MIEF1: variants seen among roughly 807,000 people sequenced by gnomAD.
The protein encoded by MIEF1 is mitochondrial elongation factor 1.
Under a neutral mutation model 35.1 loss-of-function variants are expected in MIEF1, and 14 were observed. That is an observed-to-expected ratio of 0.40 (90% confidence interval 0.26 to 0.62). The LOEUF is 0.62. Ranked by LOEUF, MIEF1 falls within the 20% of genes least tolerant of loss-of-function variation. The probability of loss-of-function intolerance (pLI) is 0.43; values close to 1 mark genes in which losing one functional copy is unlikely to be tolerated. For synonymous variants in MIEF1, 245 were observed against 254.3 expected, an observed-to-expected ratio of 0.96 and a Z score of 0.35; for missense variants, 542 against 615.4, an observed-to-expected ratio of 0.88 and a Z score of 1.26.
chr22:39,510,039 A>G (rs1220703065), intron 2 of MIEF1, among the ~76,000 whole-genome samples: 1 of 150,292 alleles, frequency 6.7e-6, no homozygotes, highest in African/African-American at 2.5e-5. Flanking sequence ...GCTCACTGCA[A>G]CCTCCGCCTT....
chr22:39,511,931 G>T lies in MIEF1; in HGVS notation c.227G>T (p.Trp76Leu). The T allele has an allele frequency of 6.2e-7, 1 of 1,614,234 alleles. No homozygotes were observed. Among genetic ancestry groups the T allele is most frequent in the Non-Finnish European group, 8.5e-7 (1 of 1,180,046 alleles). The change falls in exon 4 of 6, where the codon TGG (tryptophan) becomes TTG (leucine). Residue 76 changes from tryptophan (W) to leucine (L), a missense_variant. By Grantham distance (61) the Trp-to-Leu change is moderately conservative. Coordinates refer to ENST00000325301, the MANE Select transcript of MIEF1 (RefSeq NM_019008.6). ...AAAAGGAGCTGGGAAGAACCCAACT[G>T]GATGGGCTCCCCACGACTGCTGAAC... ...SGKRSWEEPN[W>L]MGSPRLLNRD...
Position 39,516,217 on chromosome 22 carries a change from G to A in MIEF1, c.*1894G>A, listed in dbSNP as rs1316213840. ...GTACCATCCTGGATGAATCTAGAAG[G>A]TATGGGGTAGAGCTTGACAGGGTTC... On this transcript the variant is annotated 3_prime_UTR_variant, in exon 6 of 6. Coordinates refer to ENST00000325301, the MANE Select transcript of MIEF1 (RefSeq NM_019008.6). 1 of 152,094 alleles carries A rather than the reference G, an allele frequency of 6.6e-6. No homozygotes were observed. Among genetic ancestry groups the A allele is most frequent in the East Asian group, 1.9e-4 (1 of 5,198 alleles). The allele number at this position is 152,094 out of a possible 1,614,324, so 9.4% of individuals were successfully genotyped here.
At position 39,514,626 on chromosome 22, in the gene MIEF1, C is replaced by T. The variant is rs1301283461; in HGVS notation, c.*303C>T. On this transcript the variant is annotated 3_prime_UTR_variant, in exon 6 of 6. Transcript: ENST00000325301. Reference sequence around the variant, plus strand: ...AGCTGATGGACCACTTGGTGTTTTGCGTTTTGGCCCATGTTTGCTGCCTCT... The same window carrying T: ...AGCTGATGGACCACTTGGTGTTTTGTGTTTTGGCCCATGTTTGCTGCCTCT... 6 of 410,588 alleles carry T rather than the reference C, an allele frequency of 1.5e-5. No individual in the cohort carries two copies. Among genetic ancestry groups the T allele is most frequent in the South Asian group, 9.7e-5 (3 of 30,882 alleles). 25.4% of individuals were successfully genotyped at this position (410,588 alleles called of 1,614,324 possible).
Position 39,512,442 on chromosome 22 carries a change from A to G in MIEF1, c.533A>G (p.Asp178Gly). The G allele has an allele frequency of 6.2e-7, 1 of 1,614,100 alleles. No individual in the cohort carries two copies. The highest frequency in any genetic ancestry group is 8.5e-7 in the Non-Finnish European group (1 of 1,180,004). Reference sequence around the variant, plus strand: ...AGCTTCCTGCGGGCCAAGTTGCCTGACATGCCGCTTCGGGACATGTACTTG... The same window carrying G: ...AGCTTCCTGCGGGCCAAGTTGCCTGGCATGCCGCTTCGGGACATGTACTTG... ...LRSFLRAKLP[D>G]MPLRDMYLSG... The change falls in exon 5 of 6, where the codon GAC becomes GGC. Residue 178 changes from aspartate to glycine, a missense_variant. By Grantham distance (94) the Asp-to-Gly change is moderately conservative. Coordinates refer to ENST00000325301, the MANE Select transcript of MIEF1 (RefSeq NM_019008.6).
rs1021473407 is a variant in MIEF1, at chr22:39,502,367, G to C, written c.-410G>C. Reference sequence around the variant, plus strand: ...GTCCCGGAAGTGAAGGGGCCATGTTGATGGGTGACCCGGGGAGAGGTACCC... The same window carrying C: ...GTCCCGGAAGTGAAGGGGCCATGTTCATGGGTGACCCGGGGAGAGGTACCC... On this transcript the variant is annotated 5_prime_UTR_variant, in exon 1 of 6. Coordinates refer to ENST00000325301, the MANE Select transcript of MIEF1 (RefSeq NM_019008.6). 2 of 152,424 alleles carry C rather than the reference G, an allele frequency of 1.3e-5. No homozygotes were observed. Among genetic ancestry groups the C allele is most frequent in the Admixed American group, 6.5e-5 (1 of 15,300 alleles). 9.4% of individuals were successfully genotyped at this position (152,424 alleles called of 1,614,324 possible).
chr22:39,511,920 A>G lies in MIEF1; in HGVS notation c.216A>G (p.Glu72=). ...RLSHSGKRSW[E]EPNWMGSPRL... is the part of the protein sequence containing the mutation. ...GCCATTCGGGGAAAAGGAGCTGGGAAGAACCCAACTGGATGGGCTCCCCAC... is the reference window on the plus strand; with the variant it reads ...GCCATTCGGGGAAAAGGAGCTGGGAGGAACCCAACTGGATGGGCTCCCCAC... Residue 72 remains glutamate, a synonymous_variant, in exon 4 of 6, where the codon GAA becomes GAG. Transcript: ENST00000325301. 1.2e-6 allele frequency: 2 copies of G among 1,614,236 alleles called. No individual in the cohort carries two copies. Among genetic ancestry groups the G allele is most frequent in the Non-Finnish European group, 8.5e-7 (1 of 1,180,026 alleles).
intron 2 of MIEF1, among the ~76,000 whole-genome samples, chr22:39,508,598 G>C (rs1481253503): frequency 6.6e-6 from 1 of 152,198 alleles, no homozygotes. Flanking sequence ...TATCTCAGTG[G>C]CCACTGGAGA....
At position 39,514,174 on chromosome 22, in the gene MIEF1, C is replaced by G; in HGVS notation, c.1243C>G (p.Leu415Val). The change falls in exon 6 of 6, where the codon CTT becomes GTT. Residue 415 changes from leucine (L) to valine (V), a missense_variant. Physicochemically the swap from Leu to Val is conservative, Grantham distance 32. Coordinates refer to ENST00000325301, the MANE Select transcript of MIEF1 (RefSeq NM_019008.6). ...CCGTTTCCTGCAGGCCTTGAGGGGA[C>G]TTATCAGCTACTTAGAGGCTGGAGT... Reference protein sequence around the residue: ...ADRFLQALRGLISYLEAGVLP... With the variant: ...ADRFLQALRGVISYLEAGVLP... The G allele has an allele frequency of 6.2e-7, 1 of 1,614,252 alleles. No individual in the cohort carries two copies. Among genetic ancestry groups the G allele is most frequent in the Non-Finnish European group, 8.5e-7 (1 of 1,180,046 alleles).
At chr22:39,501,007 C>T (rs1929674211), upstream of MIEF1, among the ~76,000 whole-genome samples, 1 of 152,082 alleles carries the variant, frequency 6.6e-6, no homozygotes, top group South Asian at 2.1e-4. Context: ...CTGCAACAGA[C>T]TCTTGATTGG....
chr22:39,505,708 G>A (rs183442593), intron 2 of MIEF1, among the ~76,000 whole-genome samples: 2 of 152,268 alleles, frequency 1.3e-5, no homozygotes, highest in East Asian at 3.9e-4. Flanking sequence ...GCATACCAGT[G>A]GCAGTGTGAA....
intron 3 of MIEF1, 110 bp downstream of exon 3, chr22:39,511,548 G>C (rs1930341395): frequency 1.4e-6 from 2 of 1,413,508 alleles, no homozygotes; most frequent in East Asian, 2.6e-5. Context: ...TGATCGCAAT[G>C]ATAAGTGAAA....
intron 5 of MIEF1, 114 bp from the exon 6 acceptor site, chr22:39,513,403 C>G: frequency 8.7e-7 from 1 of 1,153,226 alleles, no homozygotes; most frequent in South Asian, 1.5e-5. Flanking sequence ...TGCGCCCGGC[C>G]TAGAGTTCCC....
intron 1 of MIEF1, 115 bp from the exon 2 acceptor site, chr22:39,504,088 G>A: frequency 2.5e-6 from 1 of 396,198 alleles, no homozygotes; most frequent in Non-Finnish European, 4.4e-6. Flanking sequence ...GTCATACGGT[G>A]ACCTGGAGCG....
chr22:39,512,363 G>C lies in MIEF1; in HGVS notation c.454G>C (p.Gly152Arg). The change falls in exon 5 of 6, where the codon GGA becomes CGA. Residue 152 changes from glycine (G) to arginine (R), a missense_variant. Transcript: ENST00000325301. ...YYRNRAAIPA[G>R]EQARAKQAAV... ...CCGGAACCGGGCAGCCATCCCTGCT[G>C]GAGAGCAGGCTCGGGCCAAGCAAGC... The C allele has an allele frequency of 3.7e-6, 6 of 1,614,252 alleles. No individual in the cohort carries two copies. Among genetic ancestry groups the C allele is most frequent in the Non-Finnish European group, 5.1e-6 (6 of 1,180,052 alleles).
At chr22:39,506,444 C>G (rs1210682315) in intron 2 of MIEF1, among the ~76,000 whole-genome samples, 1 of 152,172 alleles carries the variant, frequency 6.6e-6, no homozygotes, top group East Asian at 1.9e-4. Flanking sequence ...GGGTCAGTTA[C>G]AGAAACTACT....
chr22:39,504,700 C>T (rs1929929141), intron 2 of MIEF1, 166 bp downstream of exon 2: 1 of 284,934 alleles, frequency 3.5e-6, no homozygotes. Context: ...AGGATGGCTT[C>T]AGCCCAGGAG....
At chr22:39,512,628 A>T (rs909025410) in intron 5 of MIEF1, 134 bp downstream of exon 5, 1 of 1,182,488 alleles carries the variant, frequency 8.5e-7, no homozygotes, top group Non-Finnish European at 1.2e-6. Context: ...CCTCAGCAGC[A>T]TTTGGAGATC....
chr22:39,503,424 A>G (rs1189514446), intron 1 of MIEF1: 1 of 152,214 alleles, frequency 6.6e-6, no homozygotes, highest in Non-Finnish European at 1.5e-5. Flanking sequence ...TAGATTCTTA[A>G]TTTAAATGTG....
Position 39,512,434 on chromosome 22 carries a change from G to C in MIEF1, c.525G>C (p.Lys175Asn). ...AGCTCCGGAGCTTCCTGCGGGCCAA[G>C]TTGCCTGACATGCCGCTTCGGGACA... ...CAELRSFLRA[K>N]LPDMPLRDMY... Residue 175 changes from lysine (K) to asparagine (N), a missense_variant, in exon 5 of 6, where the codon AAG becomes AAC. Lys to Asn is a moderately conservative substitution (Grantham distance 94). Transcript: ENST00000325301. 6.2e-7 allele frequency: 1 copy of C among 1,614,118 alleles called. No individual in the cohort carries two copies. The highest frequency in any genetic ancestry group is 8.5e-7 in the Non-Finnish European group (1 of 1,180,004).
Sources: allele counts gnomAD v4.1 joint callset (sites outside exome capture counted in the v4.1 genomes callset), GRCh38; gene constraint gnomAD v4.1.1; transcripts MANE v1.5; gene names NCBI Gene and HGNC (gene_info 2026-07-23, HGNC 2026-07-21).